The following PTPRM variants were observed in gnomAD, a reference collection of about 807,000 sequenced individuals.
PTPRM encodes protein tyrosine phosphatase receptor type M.
Under a neutral mutation model 186.7 loss-of-function variants are expected in PTPRM, and 47 were observed. That is an observed-to-expected ratio of 0.25 (90% CI 0.20 to 0.32). The LOEUF (loss-of-function observed/expected upper bound fraction) is 0.32. Ranked by LOEUF, PTPRM falls within the 10% of genes least tolerant of loss-of-function variation. The pLI, the probability that PTPRM is intolerant of heterozygous loss-of-function variation, is 1.00. For synonymous variants in PTPRM, 668 were observed against 674.9 expected (o/e 0.99, Z 0.16); for missense variants, 1,494 against 1,865.0 (o/e 0.80, Z 3.66).
In PTPRM at chr18:7,937,546, C is replaced by A. The variant is rs1029878692; in HGVS notation, c.663+10863C>A. ...ATCCAGGCCGGTAGTGTCAGCCGAG[C>A]GCAGCCTGCCAAGCCAAGTGGGCCC... On this transcript the variant is annotated intron_variant, in intron 5 of 32. Coordinates refer to ENST00000580170, the MANE Select transcript of PTPRM (RefSeq NM_001105244.2). Among the ~76,000 whole-genome samples, 3 of 152,326 alleles carry A rather than the reference C, an allele frequency of 2.0e-5. No homozygotes were observed. In the East Asian group the frequency reaches 5.8e-4, roughly 29 times the overall value.
At chr18:8,001,143 G>A (rs889535178) in intron 7 of PTPRM, among the ~76,000 whole-genome samples, 11 of 152,196 alleles carry the variant, frequency 7.2e-5, no homozygotes, top group African/African-American at 2.4e-4. Context: ...TGAAGTCATG[G>A]GTCCAGCAGC....
intron 1 of PTPRM, among the ~76,000 whole-genome samples, chr18:7,603,971 G>A (rs2037468691): frequency 6.6e-6 from 1 of 152,164 alleles, no homozygotes; most frequent in African/African-American, 2.4e-5. Context: ...GGGGATCAGT[G>A]CCTTACAGAT....
chr18:7,680,098 T>A (rs1465025296), intron 1 of PTPRM, among the ~76,000 whole-genome samples: 1 of 152,160 alleles, frequency 6.6e-6, no homozygotes, highest in Non-Finnish European at 1.5e-5. Context: ...ACTCCTGGAC[T>A]CAAGCAATAT....
At chr18:8,228,059 C>T (rs777842358) in intron 14 of PTPRM, among the ~76,000 whole-genome samples, 1 of 152,144 alleles carries the variant, frequency 6.6e-6, no homozygotes, top group African/African-American at 2.4e-5. Context: ...TAAAAATCTT[C>T]GGTTGGTTTG....
intron 2 of PTPRM, among the ~76,000 whole-genome samples, chr18:7,788,758 G>T (rs968806991): frequency 1.3e-5 from 2 of 152,152 alleles, no homozygotes; most frequent in Admixed American, 6.5e-5. Context: ...TATTTCCTAA[G>T]AAATGAGTCC....
chr18:7,713,487 A>G (rs1409899773), intron 1 of PTPRM, among the ~76,000 whole-genome samples: 6 of 152,154 alleles, frequency 3.9e-5, no homozygotes, highest in African/African-American at 1.4e-4. Context: ...CACAGCTAGC[A>G]TCATAATGCC....
At chr18:8,387,362 A>T in intron 31 of PTPRM, 127 bp downstream of exon 31, 1 of 949,060 alleles carries the variant, frequency 1.1e-6, no homozygotes, top group Non-Finnish European at 1.5e-6. Flanking sequence ...TGAAGGGGTG[A>T]TCATGACACT....
chr18:8,255,336 A>G (rs572176234), intron 19 of PTPRM, among the ~76,000 whole-genome samples: 47 of 152,356 alleles, frequency 3.1e-4, no homozygotes, highest in Admixed American at 2.0e-3. Context: ...TCCATGGACT[A>G]TTTAAAAATA....
intron 1 of PTPRM, among the ~76,000 whole-genome samples, chr18:7,723,282 G>A (rs1255911038): frequency 1.3e-5 from 2 of 152,104 alleles, no homozygotes; most frequent in Non-Finnish European, 2.9e-5. Flanking sequence ...GTTTTCCTGA[G>A]GCTGTATTAG....
chr18:8,076,278 T>C (rs922878726), intron 8 of PTPRM, among the ~76,000 whole-genome samples, 177 bp from the exon 9 acceptor site: 3 of 152,154 alleles, frequency 2.0e-5, no homozygotes, highest in African/African-American at 7.2e-5. Flanking sequence ...AGTTATTCTT[T>C]TAATCAAGAC....
intron 1 of PTPRM, among the ~76,000 whole-genome samples, chr18:7,614,658 C>A (rs1279636458): frequency 7.2e-5 from 11 of 152,182 alleles, no homozygotes; most frequent in Non-Finnish European, 1.5e-5. Context: ...TTGTTGCCTT[C>A]CCCTGTCTAA....
At chr18:7,808,372 G>A (rs1347227564) in intron 2 of PTPRM, among the ~76,000 whole-genome samples, 1 of 152,096 alleles carries the variant, frequency 6.6e-6, no homozygotes, top group Non-Finnish European at 1.5e-5. Flanking sequence ...AGTTAGATTT[G>A]GTCTTAACAG....
chr18:8,227,514 G>A (rs2094228626), intron 14 of PTPRM, among the ~76,000 whole-genome samples: 1 of 152,180 alleles, frequency 6.6e-6, no homozygotes, highest in South Asian at 2.1e-4. Context: ...TGGATTTTAT[G>A]AAGTCAGTGC....
intron 2 of PTPRM, among the ~76,000 whole-genome samples, chr18:7,852,267 T>C (rs1412787463): frequency 6.6e-6 from 1 of 152,050 alleles, no homozygotes; most frequent in Non-Finnish European, 1.5e-5. Context: ...TATGAAGATA[T>C]AGAAAGGATG....
intron 2 of PTPRM, among the ~76,000 whole-genome samples, chr18:7,833,035 T>C (rs2045841008): frequency 6.6e-6 from 1 of 152,194 alleles, no homozygotes. Context: ...TGTAGTATAA[T>C]TTGAAGTCAG....
At chr18:8,362,854 G>A (rs1417644115) in intron 23 of PTPRM, among the ~76,000 whole-genome samples, 1 of 152,198 alleles carries the variant, frequency 6.6e-6, no homozygotes, top group Non-Finnish European at 1.5e-5. Context: ...TTACAGATGG[G>A]AAAATGGAGC....
intron 1 of PTPRM, among the ~76,000 whole-genome samples, chr18:7,709,377 C>G (rs1184955357): frequency 1.3e-5 from 2 of 151,764 alleles, no homozygotes; most frequent in Non-Finnish European, 2.9e-5. Context: ...AGTGACACAA[C>G]TTATCAAAAC....
chr18:8,284,876 C>T (rs1164412088), intron 19 of PTPRM, among the ~76,000 whole-genome samples: 1 of 152,118 alleles, frequency 6.6e-6, no homozygotes, highest in African/African-American at 2.4e-5. Context: ...AAAACATATT[C>T]AAGAACCAAG....
chr18:7,923,474 CAG>C (rs1053160193), intron 4 of PTPRM, among the ~76,000 whole-genome samples: 6 of 152,240 alleles, frequency 3.9e-5, no homozygotes, highest in East Asian at 1.9e-4. Context: ...GATTTGGGTC[CAG>C]TGGTTGGGGA....
Sources: allele counts gnomAD v4.1 joint callset (sites outside exome capture counted in the v4.1 genomes callset), GRCh38; gene constraint gnomAD v4.1.1; transcripts MANE v1.5; gene names NCBI Gene and HGNC (gene_info 2026-07-23, HGNC 2026-07-21).